The following SPG11 variants were observed in gnomAD, a reference collection of about 807,000 sequenced individuals.
SPG11 encodes SPG11 vesicle trafficking associated, spatacsin, also known as spatacsin.
Under a neutral mutation model 274.0 loss-of-function variants are expected in SPG11, and 222 were observed. The ratio of observed to expected loss-of-function variants is 0.81; its 90% CI spans 0.73 to 0.91. SPG11 has a LOEUF of 0.91. Ranked by LOEUF, SPG11 falls within the 40% of genes least tolerant of loss-of-function variation. The pLI is 0.00. For synonymous variants in SPG11, 1,144 were observed against 1,039.7 expected (o/e 1.10, Z -1.93); for missense variants, 3,114 against 2,872.7 (o/e 1.08, Z -1.92).
At chr15:44,585,321 G>T (rs1277627851) in intron 29 of SPG11, among the ~76,000 whole-genome samples, 1 of 151,762 alleles carries the variant, frequency 6.6e-6, no homozygotes, top group Non-Finnish European at 1.5e-5. Flanking sequence ...TGGGCGTGGT[G>T]GCTCACGCCT....
At chr15:44,628,164 T>C (rs550629973) in intron 10 of SPG11, among the ~76,000 whole-genome samples, 2 of 152,322 alleles carry the variant, frequency 1.3e-5, no homozygotes, top group East Asian at 3.9e-4. Flanking sequence ...TAACTTTTAC[T>C]GTGGTGGGAA....
chr15:44,595,969 T>C (rs2083024975), intron 25 of SPG11, 114 bp downstream of exon 25: 2 of 1,392,566 alleles, frequency 1.4e-6, no homozygotes, highest in Non-Finnish European at 2.0e-6. Flanking sequence ...TGGAAACACA[T>C]GCTGGAACCT....
At chr15:44,595,106 T>C (rs1034520295) in intron 26 of SPG11, among the ~76,000 whole-genome samples, 153 bp downstream of exon 26, 1 of 152,200 alleles carries the variant, frequency 6.6e-6, no homozygotes, top group Admixed American at 6.5e-5. Flanking sequence ...CGTGAGCCAC[T>C]GCGCCTGGCC....
chr15:44,644,796 G>A (rs538804454), intron 7 of SPG11, among the ~76,000 whole-genome samples: 20 of 152,174 alleles, frequency 1.3e-4, no homozygotes, highest in South Asian at 4.2e-4. Context: ...TTCAAGCTGG[G>A]AGCCTAATAA....
Position 44,641,632 on chromosome 15 carries a change from C to CAA in SPG11, c.1602+7232_1602+7233dup, listed in dbSNP as rs1555458677. ...ACACACACACACACACACACACACA[C>CAA]AAAACCTTAATCAGGGAAATGCAAA... On this transcript the variant is annotated intron_variant, in intron 7 of 39. Transcript: ENST00000261866. Among the ~76,000 whole-genome samples the CAA allele has an allele frequency of 7.6e-4, 111 of 146,642 alleles. 1 individual carries two copies. The highest frequency in any genetic ancestry group is 3.0e-3 in the Admixed American group (44 of 14,520).
chr15:44,566,748 G>C (rs1453235067), intron 36 of SPG11, among the ~76,000 whole-genome samples: 3 of 152,094 alleles, frequency 2.0e-5, no homozygotes, highest in African/African-American at 7.2e-5. Context: ...ACCTACGCTG[G>C]AGTGCAATGG....
intron 39 of SPG11, among the ~76,000 whole-genome samples, chr15:44,563,638 T>C (rs1165660604): frequency 1.3e-5 from 2 of 149,984 alleles, no homozygotes; most frequent in Non-Finnish European, 3.0e-5. Context: ...GTGGCTGCCC[T>C]TTTTTTTCTC....
At chr15:44,595,562 A>C (rs1283925572) in intron 25 of SPG11, 103 bp from the exon 26 acceptor site, 1 of 1,246,584 alleles carries the variant, frequency 8.0e-7, no homozygotes, top group Non-Finnish European at 1.1e-6. Context: ...ACCCAACTTA[A>C]TTAGTTAAAA....
Position 44,615,373 on chromosome 15 carries a change from C to A in SPG11, c.3028G>T (p.Asp1010Tyr). Residue 1010 changes from aspartate to tyrosine, a missense_variant, in exon 16 of 40, where the codon GAC becomes TAC. Physicochemically the swap from Asp to Tyr is radical, Grantham distance 160. Coordinates refer to ENST00000261866, the MANE Select transcript of SPG11 (RefSeq NM_025137.4). ...SLQHLLYVYL[D>Y]CYKLSPENCP... ...ATTCTCAGTACTCACTTGTAACAGTCAAGGTAGACATAAAGAAGATGCTGC... is the reference window on the plus strand; with the variant it reads ...ATTCTCAGTACTCACTTGTAACAGTAAAGGTAGACATAAAGAAGATGCTGC... 1 of 1,613,658 alleles carries A rather than the reference C, an allele frequency of 6.2e-7. No homozygotes were observed. Among genetic ancestry groups the A allele is most frequent in the South Asian group, 1.1e-5 (1 of 91,042 alleles).
intron 23 of SPG11, among the ~76,000 whole-genome samples, chr15:44,597,990 T>C (rs1385629038): frequency 1.3e-5 from 2 of 152,226 alleles, no homozygotes; most frequent in Non-Finnish European, 2.9e-5. Context: ...CTTCTCTGAC[T>C]AGCAGGGCAG....
chr15:44,630,258 G>A (rs1213027295), intron 8 of SPG11, among the ~76,000 whole-genome samples: 1 of 152,180 alleles, frequency 6.6e-6, no homozygotes. Context: ...TTACATCTGT[G>A]AGATGTATGA....
intron 3 of SPG11, among the ~76,000 whole-genome samples, chr15:44,658,065 C>T (rs777609797): frequency 2.0e-5 from 3 of 152,174 alleles, no homozygotes; most frequent in East Asian, 1.9e-4. Context: ...ATTAAAAATT[C>T]GGTTCCCAAG....
At chr15:44,630,181 G>A (rs115729606) in intron 8 of SPG11, among the ~76,000 whole-genome samples, 1 of 152,112 alleles carries the variant, frequency 6.6e-6, no homozygotes, top group Non-Finnish European at 1.5e-5. Context: ...ATGTTGCATC[G>A]GCAGCTGAAG....
chr15:44,570,403 G>A (rs1211210213), intron 34 of SPG11, 122 bp downstream of exon 34: 8 of 1,233,710 alleles, frequency 6.5e-6, no homozygotes, highest in African/African-American at 4.5e-5. Context: ...TCTCAAGTAG[G>A]TAGTGGTATC....
chr15:44,624,810 C>T (rs1356986735), intron 11 of SPG11, among the ~76,000 whole-genome samples: 3 of 152,102 alleles, frequency 2.0e-5, no homozygotes, highest in East Asian at 3.9e-4. Context: ...GTCACTCATA[C>T]CTAAATAAAA....
intron 8 of SPG11, among the ~76,000 whole-genome samples, chr15:44,633,221 T>G (rs2084123194): frequency 6.7e-6 from 1 of 148,692 alleles, no homozygotes; most frequent in Non-Finnish European, 1.5e-5. Flanking sequence ...TCCCAGCTAC[T>G]GTAGTAGGCT....
intron 6 of SPG11, among the ~76,000 whole-genome samples, chr15:44,650,128 T>C (rs1446528672): frequency 6.6e-6 from 1 of 152,212 alleles, no homozygotes; most frequent in African/African-American, 2.4e-5. Context: ...AGATGAATTA[T>C]GCGGTGAATG....
At chr15:44,610,566 TG>T (rs1015442994) in intron 18 of SPG11, among the ~76,000 whole-genome samples, 1 of 149,934 alleles carries the variant, frequency 6.7e-6, no homozygotes, top group Non-Finnish European at 1.5e-5. Flanking sequence ...TTAGTACAGA[TG>T]GTGTTTCACC....
chr15:44,592,474 T>C, intron 26 of SPG11, 36 bp from the exon 27 acceptor site: 1 of 1,257,852 alleles, frequency 8.0e-7, no homozygotes, highest in Non-Finnish European at 1.2e-6. Context: ...TACAAAATTT[T>C]GAACTTAATA....
Sources: gnomAD v4.1 joint callset for allele counts (sites outside exome capture counted in the v4.1 genomes callset) on GRCh38, gnomAD v4.1.1 for gene constraint, MANE v1.5 for transcripts, NCBI Gene and HGNC (gene_info 2026-07-23, HGNC 2026-07-21) for gene names.